Variants in RAB37 observed in about 807,000 individuals in gnomAD.
The protein encoded by RAB37 is ras-related protein Rab-37.
RAB37 carries 29 observed loss-of-function variants against 33.1 expected under a neutral mutation model. The observed-to-expected ratio is 0.88, with a 90% confidence interval of 0.65 to 1.20. The LOEUF is 1.20. Ranked by LOEUF, RAB37 falls within the 50% of genes most tolerant of loss-of-function variation. RAB37 has a pLI of 0.00. For missense variants in RAB37, 299 were observed against 301.1 expected (o/e 0.99, Z 0.05); for synonymous variants, 128 against 119.5 (o/e 1.07, Z -0.47).
intron 1 of RAB37, among the ~76,000 whole-genome samples, chr17:74,679,624 T>C (rs2031912161): frequency 6.6e-6 from 1 of 152,184 alleles, no homozygotes; most frequent in Non-Finnish European, 1.5e-5. Context: ...ACTTAACATA[T>C]GCTTTTTCCA....
At chr17:74,701,953 C>T (rs1343338394) in intron 1 of RAB37, among the ~76,000 whole-genome samples, 2 of 151,184 alleles carry the variant, frequency 1.3e-5, no homozygotes, top group Non-Finnish European at 2.9e-5. Context: ...ACATGAGAGG[C>T]AGAGGTTGCA....
chr17:74,737,213 G>A, upstream of RAB37: 1 of 1,473,860 alleles, frequency 6.8e-7, no homozygotes. Context: ...GCGGGGGTGG[G>A]GCCGTTCCTG....
rs746975143 is a variant in RAB37, at chr17:74,740,804, T to A, written c.130T>A (p.Cys44Ser). The stretch of plus-strand genomic sequence containing the variant: ...GGGAGACACAGGCGTCGGCAAAACA[T>A]GTTTCCTGATCCAATTCAAAGACGG... ...LLGDTGVGKT[C>S]FLIQFKDGAF... Residue 44 changes from cysteine (C) to serine (S), a missense_variant, in exon 2 of 9, where the codon TGT (cysteine) becomes AGT (serine). Transcript: ENST00000392613. 1 of 1,614,062 alleles carries A rather than the reference T, an allele frequency of 6.2e-7. No individual in the cohort carries two copies. The highest frequency in any genetic ancestry group is 8.5e-7 in the Non-Finnish European group (1 of 1,179,996).
At position 74,744,494 on chromosome 17, in the gene RAB37, C is replaced by A; in HGVS notation, c.432+121C>A. ...CTGAAAAGGACTCTGCAGCCTCCAG[C>A]TCAGGGGTCAGACATATCTGGAGGC... On this transcript the variant is annotated intron_variant, in intron 6 of 8. Transcript: ENST00000392613. The surrounding 1 kb of genome is among the most constrained non-coding windows in gnomAD (Gnocchi z 4.2). 1 of 934,786 alleles carries A rather than the reference C, an allele frequency of 1.1e-6. No homozygotes were observed. The highest frequency in any genetic ancestry group is 1.7e-6 in the Non-Finnish European group (1 of 584,242). The allele number at this position is 934,786 out of a possible 1,614,324, so 57.9% of individuals were successfully genotyped here.
At chr17:74,706,107 A>C (rs2033484005) in intron 1 of RAB37, among the ~76,000 whole-genome samples, 1 of 152,132 alleles carries the variant, frequency 6.6e-6, no homozygotes, top group Non-Finnish European at 1.5e-5. Flanking sequence ...AGAACAAAAC[A>C]GAGGAGGGAA....
intron 1 of RAB37, among the ~76,000 whole-genome samples, chr17:74,722,795 T>G (rs372112029): frequency 5.9e-5 from 9 of 152,222 alleles, no homozygotes; most frequent in Non-Finnish European, 1.3e-4. Context: ...GTTTGTGGAA[T>G]CTTCTGTCAA....
intron 1 of RAB37, among the ~76,000 whole-genome samples, chr17:74,706,683 A>G (rs2033546384): frequency 6.6e-6 from 1 of 152,094 alleles, no homozygotes; most frequent in Non-Finnish European, 1.5e-5. Context: ...ACAAAACAAA[A>G]CAAAACAAAA....
chr17:74,713,079 G>C, intron 1 of RAB37: 1 of 534,062 alleles, frequency 1.9e-6, no homozygotes, highest in Non-Finnish European at 3.4e-6. Flanking sequence ...GGCCAAGGCG[G>C]GCGGATCACG....
chr17:74,679,526 C>T (rs185197468), intron 1 of RAB37, among the ~76,000 whole-genome samples: 62 of 152,286 alleles, frequency 4.1e-4, no homozygotes, highest in Admixed American at 4.0e-3. Context: ...ATAATTGTTC[C>T]CAATACATTA....
intron 1 of RAB37, chr17:74,704,318 G>A (rs2033327346): frequency 4.8e-6 from 3 of 620,644 alleles, no homozygotes; most frequent in Admixed American, 3.0e-5. Context: ...ATTGAAGAGA[G>A]GCCCTGCTCC....
At chr17:74,679,110 CAAA>C (rs36065654) in intron 1 of RAB37, among the ~76,000 whole-genome samples, 6 of 122,830 alleles carry the variant, frequency 4.9e-5, no homozygotes, top group Admixed American at 8.3e-5. Context: ...GACTCTGTCT[CAAA>C]AAAAAAAAAA....
chr17:74,724,113 C>T (rs932943930), intron 1 of RAB37, among the ~76,000 whole-genome samples: 2 of 152,286 alleles, frequency 1.3e-5, no homozygotes, highest in South Asian at 4.1e-4. Context: ...AGGTTCAGGA[C>T]GTGCCCATGA....
At chr17:74,682,134 G>A (rs757122170) in intron 1 of RAB37, among the ~76,000 whole-genome samples, 2 of 152,202 alleles carry the variant, frequency 1.3e-5, no homozygotes, top group Non-Finnish European at 2.9e-5. Flanking sequence ...AAGAGAACAG[G>A]CATTATTCTT....
chr17:74,737,177 G>T, upstream of RAB37: 1 of 1,541,600 alleles, frequency 6.5e-7, no homozygotes, highest in East Asian at 2.4e-5. Flanking sequence ...AGGGGTCCCG[G>T]TCGAGGGAGG....
At chr17:74,734,940 G>T (rs1035714414), upstream of RAB37, among the ~76,000 whole-genome samples, 3 of 107,396 alleles carry the variant, frequency 2.8e-5, no homozygotes, top group East Asian at 7.9e-4. Flanking sequence ...GAAAGAGAAA[G>T]AAAGAAAGAG....
Position 74,695,802 on chromosome 17 carries a change from C to T in RAB37, c.72+24144C>T, listed in dbSNP as rs142133872. 731 of 1,614,130 alleles carry T rather than the reference C, an allele frequency of 4.5e-4. 1 individual carries two copies. In the East Asian group the frequency reaches 0.011, roughly 24 times the overall value. On this transcript the variant is annotated intron_variant, in intron 1 of 7. Coordinates refer to the RAB37 transcript ENST00000340415. ...GTGGTAGCCTTTTGCGGGGAGGTTC[C>T]GGCCAGCTGCAGGGTCAGGTCTGCA...
chr17:74,714,988 G>T (rs889056323), intron 1 of RAB37, among the ~76,000 whole-genome samples: 1 of 152,178 alleles, frequency 6.6e-6, no homozygotes, highest in East Asian at 1.9e-4. Context: ...CGGGTGTGGT[G>T]GTGGGTGCTT....
At chr17:74,712,938 T>G (rs2034076767) in intron 1 of RAB37, 1 of 1,470,228 alleles carries the variant, frequency 6.8e-7, no homozygotes, top group Non-Finnish European at 9.5e-7. Flanking sequence ...ACTCCCAGCC[T>G]TCTGCTGGTA....
At chr17:74,692,757 T>A (rs912508017) in intron 1 of RAB37, among the ~76,000 whole-genome samples, 2 of 152,170 alleles carry the variant, frequency 1.3e-5, no homozygotes, top group Non-Finnish European at 2.9e-5. Flanking sequence ...AAGGAGTCTG[T>A]CCACGTCATG....
Sources: gnomAD v4.1 joint callset for allele counts (sites outside exome capture counted in the v4.1 genomes callset) on GRCh38, gnomAD v4.1.1 for gene constraint, Gnocchi (gnomAD v3.1) non-coding constraint, MANE v1.5 for transcripts, NCBI Gene and HGNC (gene_info 2026-07-23, HGNC 2026-07-21) for gene names.